CENPP: variants seen among roughly 807,000 people sequenced by gnomAD.
The protein encoded by CENPP is centromere protein P.
Under a neutral mutation model 35.6 loss-of-function variants are expected in CENPP, and 24 were observed. The observed-to-expected ratio is 0.67, with a 90% confidence interval of 0.49 to 0.95. CENPP has a LOEUF of 0.95. CENPP is among the 40% of genes least tolerant of loss of function. The pLI is 0.00. For missense variants in CENPP, 332 were observed against 345.3 expected (o/e 0.96, Z 0.31); for synonymous variants, 120 against 125.5 (o/e 0.96, Z 0.29).
intron 5 of CENPP, among the ~76,000 whole-genome samples, chr9:92,557,472 G>A (rs1258319881): frequency 1.3e-5 from 2 of 152,080 alleles, no homozygotes; most frequent in African/African-American, 4.8e-5. Context: ...CTTAGGTTTG[G>A]TCGTTTAACA....
At chr9:92,467,046 C>A (rs528761910) in intron 5 of CENPP, among the ~76,000 whole-genome samples, 1 of 152,262 alleles carries the variant, frequency 6.6e-6, no homozygotes, top group South Asian at 2.1e-4. Context: ...AGAACAGAGG[C>A]CTGTAAGGAA....
chr9:92,510,100 A>G (rs1847245817), intron 5 of CENPP: 5 of 1,516,772 alleles, frequency 3.3e-6, no homozygotes, highest in African/African-American at 1.4e-5. Flanking sequence ...ATTTCATATA[A>G]TGGTCGTGAC....
intron 5 of CENPP, chr9:92,415,170 A>G (rs773630389): frequency 1.9e-6 from 3 of 1,606,354 alleles, no homozygotes; most frequent in South Asian, 2.2e-5. Context: ...GATTTTCATA[A>G]TAATGAAGGT....
chr9:92,611,620 C>A (rs1395028954), intron 6 of CENPP, among the ~76,000 whole-genome samples: 1 of 151,974 alleles, frequency 6.6e-6, no homozygotes, highest in Non-Finnish European at 1.5e-5. Context: ...GTCCTGGGGC[C>A]CACCCCAGGA....
rs1428522915 is a variant in CENPP, at chr9:92,618,036, G to T, written c.*4887G>T. ...ACCAGGTATCTCAAGACGCCAAGAT[G>T]ACTCATGATAAATCCCAGCCTTAGT... On this transcript the variant is annotated 3_prime_UTR_variant, in exon 8 of 8. Transcript: ENST00000375587. 1 of 350,046 alleles carries T rather than the reference G, an allele frequency of 2.9e-6. No homozygotes were observed. The highest frequency in any genetic ancestry group is 5.7e-6 in the Non-Finnish European group (1 of 176,346). The allele number at this position is 350,046 out of a possible 1,614,324, so 21.7% of individuals were successfully genotyped here. A position where few individuals can be genotyped will look rare whatever the true frequency, so the allele number is the denominator to read the frequency against.
At chr9:92,507,697 T>C (rs1367660311) in intron 5 of CENPP, among the ~76,000 whole-genome samples, 1 of 152,192 alleles carries the variant, frequency 6.6e-6, no homozygotes, top group Admixed American at 6.5e-5. Context: ...GCTCCTGATT[T>C]AGTTGTTTCA....
intron 5 of CENPP, among the ~76,000 whole-genome samples, chr9:92,444,750 A>T (rs115567161): frequency 0.012 from 1,868 of 152,256 alleles, 37 homozygotes; most frequent in African/African-American, 0.042. Flanking sequence ...GCAAAGCAGC[A>T]TGGGGGAGGC....
At chr9:92,382,961 C>T (rs904102665) in intron 5 of CENPP, among the ~76,000 whole-genome samples, 19 of 134,402 alleles carry the variant, frequency 1.4e-4, no homozygotes, top group African/African-American at 5.1e-4. Context: ...TGCAGTGATG[C>T]GATCTTGGCT....
chr9:92,555,389 G>C (rs1849704265), intron 5 of CENPP, among the ~76,000 whole-genome samples: 1 of 151,458 alleles, frequency 6.6e-6, no homozygotes, highest in Non-Finnish European at 1.5e-5. Flanking sequence ...ACCATGTCTG[G>C]CTGATTTTTT....
At chr9:92,349,669 TG>T (rs1207927215) in intron 4 of CENPP, among the ~76,000 whole-genome samples, 2 of 152,200 alleles carry the variant, frequency 1.3e-5, no homozygotes, top group Non-Finnish European at 2.9e-5. Flanking sequence ...CCCAAAGTGC[TG>T]GGATTACAGG....
At chr9:92,435,418 C>A (rs1181434940) in intron 5 of CENPP, among the ~76,000 whole-genome samples, 1 of 152,138 alleles carries the variant, frequency 6.6e-6, no homozygotes, top group African/African-American at 2.4e-5. Flanking sequence ...ACCGTGTACC[C>A]TTTACCCAGT....
At chr9:92,533,303 C>CAAAAAAAA (rs1174584000) in intron 5 of CENPP, among the ~76,000 whole-genome samples, 7 of 29,882 alleles carry the variant, frequency 2.3e-4, no homozygotes, top group Non-Finnish European at 2.8e-4. Context: ...CGGTCTCAAA[C>CAAAAAAAA]AAAAAAAAAA....
At chr9:92,515,174 A>G (rs1445423703) in intron 5 of CENPP, 1 of 1,605,588 alleles carries the variant, frequency 6.2e-7, no homozygotes, top group Non-Finnish European at 8.5e-7. Context: ...CTATCATTTA[A>G]TGCTATACCA....
chr9:92,549,884 C>T (rs1269646928), intron 5 of CENPP, among the ~76,000 whole-genome samples: 2 of 152,096 alleles, frequency 1.3e-5, no homozygotes, highest in African/African-American at 4.8e-5. Context: ...GTAATAATGG[C>T]CAATGTGGAC....
intron 5 of CENPP, among the ~76,000 whole-genome samples, chr9:92,533,318 AAAAAAAAAAAATAT>A (rs1285750758): frequency 6.3e-5 from 6 of 94,840 alleles, no homozygotes; most frequent in Non-Finnish European, 1.0e-4. Flanking sequence ...AAAAAAAAAA[AAAAAAAAAAAATAT>A]ATATATATAT....
Position 92,332,350 on chromosome 9 carries a change from G to T in CENPP, c.288G>T (p.Lys96Asn), listed in dbSNP as rs1314208041. 1 of 1,557,774 alleles carries T rather than the reference G, an allele frequency of 6.4e-7. No individual in the cohort carries two copies. The highest frequency in any genetic ancestry group is 8.7e-7 in the Non-Finnish European group (1 of 1,154,640). ...TAACAAGCACTGAGATGACAGAAAA[G>T]AGTAAGCATTTTTTTTAAATCTAGA... ...EDLTSTEMTE[K>N]SIRKVLQRHR... The change falls in exon 2 of 8, where the codon AAG (lysine) becomes AAT (asparagine). Residue 96 changes from lysine to asparagine, a missense_variant and splice_region_variant. Physicochemically the swap from Lys to Asn is moderately conservative, Grantham distance 94. Transcript: ENST00000375587.
chr9:92,475,927 G>GGTTCT (rs1446096765), intron 5 of CENPP, among the ~76,000 whole-genome samples: 1 of 152,144 alleles, frequency 6.6e-6, no homozygotes, highest in Non-Finnish European at 1.5e-5. Flanking sequence ...AACCTTCAGA[G>GGTTCT]CATAGATTTA....
At chr9:92,378,189 T>C (rs1842166105) in intron 4 of CENPP, among the ~76,000 whole-genome samples, 1 of 152,144 alleles carries the variant, frequency 6.6e-6, no homozygotes, top group Admixed American at 6.6e-5. Flanking sequence ...CTTTTCTTAT[T>C]GTTGGCAGTG....
chr9:92,416,530 T>G, intron 5 of CENPP: 2 of 852,832 alleles, frequency 2.3e-6, no homozygotes, highest in Admixed American at 6.0e-5. Context: ...TTCAGCAATG[T>G]CTAAAGCATA....
Sources: gnomAD v4.1 joint callset for allele counts (sites outside exome capture counted in the v4.1 genomes callset) on GRCh38, gnomAD v4.1.1 for gene constraint, MANE v1.5 for transcripts, NCBI Gene and HGNC (gene_info 2026-07-23, HGNC 2026-07-21) for gene names.